Variants in IRGQ observed in about 807,000 individuals in gnomAD.
IRGQ encodes immunity related GTPase Q, also known as immunity-related GTPase family Q protein.
A neutral mutation model predicts 10.5 loss-of-function variants in IRGQ; 5 were observed. That is an observed-to-expected ratio of 0.48 (90% CI 0.25 to 1.00). The LOEUF (loss-of-function observed/expected upper bound fraction) is 1.00. IRGQ is among the 50% of genes least tolerant of loss of function. The pLI is 0.16. For synonymous variants in IRGQ, 418 were observed against 426.0 expected (o/e 0.98, Z 0.23); for missense variants, 792 against 877.7 (o/e 0.90, Z 1.23).
At position 43,589,038 on chromosome 19, in the gene IRGQ, A is replaced by G. The variant is rs746974112; in HGVS notation, c.*2988T>C. ...ACCATCCCTTGTCTGCCCTTGGATCAGTTACCTTTGTCTTCAGCTTTTAAG... is the reference window on the plus strand; with the variant it reads ...ACCATCCCTTGTCTGCCCTTGGATCGGTTACCTTTGTCTTCAGCTTTTAAG... On this transcript the variant is annotated 3_prime_UTR_variant, in exon 3 of 3. Transcript: ENST00000422989. 8.5e-5 allele frequency: 13 copies of G among 152,220 alleles called. No homozygotes were observed. The highest frequency in any genetic ancestry group is 1.3e-4 in the Non-Finnish European group (9 of 68,038). The allele number at this position is 152,220 out of a possible 1,614,324, so 9.4% of individuals were successfully genotyped here.
intron 2 of IRGQ, among the ~76,000 whole-genome samples, chr19:43,594,196 G>A (rs1198336459): frequency 6.6e-6 from 1 of 152,228 alleles, no homozygotes; most frequent in African/African-American, 2.4e-5. Flanking sequence ...GGGCTGGGCA[G>A]AGAGTCTCAC....
chr19:43,591,908 G>T lies in IRGQ; in HGVS notation c.*118C>A. ...TGTCCCCCAGACTCTCTGAATCCAG[G>T]TGATAAGAAGTCACACATCCCAGCT... is the stretch of plus-strand genomic sequence containing the variant. On this transcript the variant is annotated 3_prime_UTR_variant, in exon 3 of 3. Transcript: ENST00000422989. 1.1e-6 allele frequency: 1 copy of T among 950,072 alleles called. No individual in the cohort carries two copies. The highest frequency in any genetic ancestry group is 1.6e-6 in the Non-Finnish European group (1 of 644,356). The allele number at this position is 950,072 out of a possible 1,614,324, so 58.9% of individuals were successfully genotyped here.
rs553692409 is a variant in IRGQ, at chr19:43,588,506, G to A, written c.*3520C>T. The A allele has an allele frequency of 2.0e-4, 30 of 152,300 alleles. No individual in the cohort carries two copies. The highest frequency in any genetic ancestry group is 7.0e-4 in the African/African-American group (29 of 41,554). The allele number at this position is 152,300 out of a possible 1,614,324, so 9.4% of individuals were successfully genotyped here. On this transcript the variant is annotated 3_prime_UTR_variant, in exon 3 of 3. Coordinates refer to ENST00000422989, the MANE Select transcript of IRGQ (RefSeq NM_001007561.3). The stretch of plus-strand genomic sequence containing the variant: ...GGGAGGCCAAGGCGGGTGGCCTGAG[G>A]TCAGTAGTTCCAGACCAGCCTGATC...
At position 43,591,864 on chromosome 19, in the gene IRGQ, A is replaced by AAC. The variant is rs1390378602; in HGVS notation, c.*161_*162insGT. ...CGTCTCACAAAAAAAAGAAAAAAAA[A>AAC]AAAAAAAATCAGGATTCCTGTCCCC... On this transcript the variant is annotated 3_prime_UTR_variant, in exon 3 of 3. Transcript: ENST00000422989. 4.3e-6 allele frequency: 3 copies of AAC among 701,866 alleles called. No homozygotes were observed. The highest frequency in any genetic ancestry group is 6.5e-6 in the Non-Finnish European group (3 of 460,474). 43.5% of individuals were successfully genotyped at this position (701,866 alleles called of 1,614,324 possible).
At position 43,595,229 on chromosome 19, in the gene IRGQ, G is replaced by C; in HGVS notation, c.110C>G (p.Ala37Gly). ...LCDKDVETLE[A>G]PEGRPDSGVP... The stretch of plus-strand genomic sequence containing the variant: ...CCCGGAGTCCGGCCGTCCCTCGGGG[G>C]CCTCGAGCGTCTCCACATCCTTGTC... The change falls in exon 2 of 3, where the codon GCC becomes GGC. Residue 37 changes from alanine (A) to glycine (G), a missense_variant. Physicochemically the swap from Ala to Gly is moderately conservative, Grantham distance 60 (BLOSUM62 0). Coordinates refer to ENST00000422989, the MANE Select transcript of IRGQ (RefSeq NM_001007561.3). 1 of 1,612,580 alleles carries C rather than the reference G, an allele frequency of 6.2e-7. No individual in the cohort carries two copies. Among genetic ancestry groups the C allele is most frequent in the Non-Finnish European group, 8.5e-7 (1 of 1,179,782 alleles).
Position 43,595,331 on chromosome 19 carries a change from G to A in IRGQ, c.8C>T (p.Pro3Leu), listed in dbSNP as rs1030870180. 3 of 1,549,808 alleles carry A rather than the reference G, an allele frequency of 1.9e-6. No individual in the cohort carries two copies. Among genetic ancestry groups the A allele is most frequent in the East Asian group, 2.3e-5 (1 of 44,170 alleles). Residue 3 changes from proline (P) to leucine (L), a missense_variant, in exon 2 of 3, where the codon CCG (proline) becomes CTG (leucine). Physicochemically the swap from Pro to Leu is moderately conservative, Grantham distance 98. Transcript: ENST00000422989. ...CAAGGCGGTCACGTCACCCTGCGGC[G>A]GAGGCATGGCTGGAAAGCAACGGGT... MP[P>L]PQGDVTALFL...
In IRGQ at chr19:43,592,069, G is replaced by A; in HGVS notation, c.1829C>T (p.Ala610Val). The change falls in exon 3 of 3, where the codon GCT becomes GTT. Residue 610 changes from alanine (A) to valine (V), a missense_variant. Ala to Val is a moderately conservative substitution (Grantham distance 64). Transcript: ENST00000422989. The stretch of plus-strand genomic sequence containing the variant: ...GGGTGCCAGCACAGCCTCAGCATCA[G>A]CCCGCATCTCATCGAGAGCCTGCAG... ...VLLQALDEMR[A>V]DAEAVLAPPE... The A allele has an allele frequency of 6.2e-7, 1 of 1,612,238 alleles. No homozygotes were observed. The highest frequency in any genetic ancestry group is 8.5e-7 in the Non-Finnish European group (1 of 1,179,520).
chr19:43,595,303 G>A lies in IRGQ; in HGVS notation c.36C>T (p.Phe12=), dbSNP rs201442474. ...ACTTCCCCAAGCCCGGAGGCCCCAG[G>A]AACAAGGCGGTCACGTCACCCTGCG... is the stretch of plus-strand genomic sequence containing the variant. ...PPPQGDVTAL[F]LGPPGLGKSA... The change falls in exon 2 of 3, where the codon TTC becomes TTT. Residue 12 remains phenylalanine (F), a synonymous_variant. Transcript: ENST00000422989. The A allele has an allele frequency of 7.0e-6, 11 of 1,579,774 alleles. No homozygotes were observed. Among genetic ancestry groups the A allele is most frequent in the Non-Finnish European group, 9.5e-6 (11 of 1,162,898 alleles).
Position 43,595,071 on chromosome 19 carries a change from C to T in IRGQ, c.268G>A (p.Glu90Lys). 1.2e-6 allele frequency: 2 copies of T among 1,612,594 alleles called. No individual in the cohort carries two copies. Among genetic ancestry groups the T allele is most frequent in the Non-Finnish European group, 1.7e-6 (2 of 1,179,456 alleles). The change falls in exon 2 of 3, where the codon GAA becomes AAA. Residue 90 changes from glutamate to lysine, a missense_variant. Transcript: ENST00000422989. The part of the protein sequence containing the change: ...LVLPGPEGNG[E>K]PLAPALGEAA... ...TCTCCCAGGGCTGGAGCCAACGGTT[C>T]CCCGTTCCCCTCGGGTCCGGGCAGC...
chr19:43,595,472 G>T, intron 1 of IRGQ, 132 bp from the exon 2 acceptor site: 1 of 780,614 alleles, frequency 1.3e-6, no homozygotes, highest in Admixed American at 3.5e-5. Context: ...CACTCTCCAG[G>T]ACCTAAAAAA....
In IRGQ at chr19:43,593,374, G is replaced by T; in HGVS notation, c.531-7C>A. 1 of 1,505,664 alleles carries T rather than the reference G, an allele frequency of 6.6e-7. No individual in the cohort carries two copies. The highest frequency in any genetic ancestry group is 1.4e-5 in the South Asian group (1 of 73,808). The allele number at this position is 1,505,664 out of a possible 1,614,324, so 93.3% of individuals were successfully genotyped here. On this transcript the variant is annotated splice_region_variant and splice_polypyrimidine_tract_variant and intron_variant, in intron 2 of 2. Coordinates refer to ENST00000422989, the MANE Select transcript of IRGQ (RefSeq NM_001007561.3). The surrounding 1 kb of genome is among the most constrained non-coding windows in gnomAD (Gnocchi z 6.4). ...CTGCGCCGGTGGCAGGAGCCTGTGG[G>T]GACAAGAAGGGACAGGGTCAAAGGT...
Position 43,592,374 on chromosome 19 carries a change from A to T in IRGQ, c.1524T>A (p.Leu508=), listed in dbSNP as rs780949327. The T allele has an allele frequency of 6.3e-7, 1 of 1,578,402 alleles. No homozygotes were observed. Among genetic ancestry groups the T allele is most frequent in the South Asian group, 1.1e-5 (1 of 88,508 alleles). ...PGLGWACDVA[L]LRGQLAEWRR... Reference sequence around the variant, plus strand: ...GCCACTCCGCCAGCTGACCCCGCAGAAGTGCCACGTCGCATGCCCAGCCCA... The same window carrying T: ...GCCACTCCGCCAGCTGACCCCGCAGTAGTGCCACGTCGCATGCCCAGCCCA... The change falls in exon 3 of 3, where the codon CTT becomes CTA. Residue 508 remains leucine (L), a synonymous_variant. Coordinates refer to ENST00000422989, the MANE Select transcript of IRGQ (RefSeq NM_001007561.3).
In IRGQ at chr19:43,592,704, G is replaced by C; in HGVS notation, c.1194C>G (p.Val398=). ...KAGSEGLQQV[V]GMKKSGGGDS... ...CGCCACCACCTGATTTCTTCATGCCGACAACCTGCTGCAAACCCTCGCTGC... is the reference window on the plus strand; with the variant it reads ...CGCCACCACCTGATTTCTTCATGCCCACAACCTGCTGCAAACCCTCGCTGC... Residue 398 remains valine, a synonymous_variant, in exon 3 of 3, where the codon GTC becomes GTG. Coordinates refer to ENST00000422989, the MANE Select transcript of IRGQ (RefSeq NM_001007561.3). The C allele has an allele frequency of 4.3e-6, 7 of 1,609,336 alleles. No individual in the cohort carries two copies. Among genetic ancestry groups the C allele is most frequent in the Non-Finnish European group, 5.9e-6 (7 of 1,179,984 alleles).
At position 43,592,980 on chromosome 19, in the gene IRGQ, C is replaced by T. The variant is rs1193167825; in HGVS notation, c.918G>A (p.Gly306=). The change falls in exon 3 of 3, where the codon GGG becomes GGA. Residue 306 remains glycine (G), a synonymous_variant. Transcript: ENST00000422989. ...HYDALILVTP[G]APTEKDWAQV... ...GGGCCCAGTCCTTCTCAGTGGGGGCCCCAGGGGTGACGAGGATGAGGGCGT... is the reference window on the plus strand; with the variant it reads ...GGGCCCAGTCCTTCTCAGTGGGGGCTCCAGGGGTGACGAGGATGAGGGCGT... 1 of 1,608,884 alleles carries T rather than the reference C, an allele frequency of 6.2e-7. No individual in the cohort carries two copies. The highest frequency in any genetic ancestry group is 1.3e-5 in the African/African-American group (1 of 74,906).
At chr19:43,594,685 AT>A (rs2146100055) in intron 2 of IRGQ, 123 bp downstream of exon 2, 33 of 644,402 alleles carry the variant, frequency 5.1e-5, no homozygotes, top group East Asian at 9.4e-5. Flanking sequence ...AAAAAAAAAA[AT>A]AATAATAATA....
chr19:43,594,683 A>AAAT (rs796191282), intron 2 of IRGQ, 126 bp downstream of exon 2: 4 of 639,782 alleles, frequency 6.3e-6, no homozygotes, highest in East Asian at 6.5e-5. Flanking sequence ...AAAAAAAAAA[A>AAAT]AATAATAATA....
In IRGQ at chr19:43,586,084, G is replaced by C. The variant is rs1433927198; in HGVS notation, c.*5942C>G. The C allele has an allele frequency of 6.6e-6, 1 of 152,170 alleles. No individual in the cohort carries two copies. Among genetic ancestry groups the C allele is most frequent in the East Asian group, 1.9e-4 (1 of 5,188 alleles). 9.4% of individuals were successfully genotyped at this position (152,170 alleles called of 1,614,324 possible). ...GGATGGAACTCTGCTGTGGTGAGGAGGTTGTCTCGCCCACTCACCCAAGTT... is the reference window on the plus strand; with the variant it reads ...GGATGGAACTCTGCTGTGGTGAGGACGTTGTCTCGCCCACTCACCCAAGTT... On this transcript the variant is annotated 3_prime_UTR_variant, in exon 3 of 3. Coordinates refer to ENST00000422989, the MANE Select transcript of IRGQ (RefSeq NM_001007561.3).
rs867076466 is a variant in IRGQ, at chr19:43,596,015, G to C, written c.-36C>G. The C allele has an allele frequency of 1.3e-5, 2 of 152,282 alleles. No homozygotes were observed. Among genetic ancestry groups the C allele is most frequent in the Non-Finnish European group, 2.9e-5 (2 of 68,090 alleles). 9.4% of individuals were successfully genotyped at this position (152,282 alleles called of 1,614,324 possible). ...AAGCCGACCCACGGGAGAGAGCGCAGTCGGTGGCAGTAGGTCAGCAGCTGA... is the reference window on the plus strand; with the variant it reads ...AAGCCGACCCACGGGAGAGAGCGCACTCGGTGGCAGTAGGTCAGCAGCTGA... On this transcript the variant is annotated 5_prime_UTR_variant, in exon 1 of 3. Coordinates refer to ENST00000422989, the MANE Select transcript of IRGQ (RefSeq NM_001007561.3).
At position 43,596,003 on chromosome 19, in the gene IRGQ, G is replaced by GGA. The variant is rs1163302986; in HGVS notation, c.-26_-25dup. On this transcript the variant is annotated 5_prime_UTR_variant, in exon 1 of 3. Coordinates refer to ENST00000422989, the MANE Select transcript of IRGQ (RefSeq NM_001007561.3). ...CAACCGAGCAAAAAGCCGACCCACG[G>GGA]GAGAGAGCGCAGTCGGTGGCAGTAG... 3.9e-5 allele frequency: 6 copies of GGA among 152,288 alleles called. No homozygotes were observed. The highest frequency in any genetic ancestry group is 1.4e-4 in the African/African-American group (6 of 41,472). The allele number at this position is 152,288 out of a possible 1,614,324, so 9.4% of individuals were successfully genotyped here.
Sources: gnomAD v4.1 joint callset for allele counts (sites outside exome capture counted in the v4.1 genomes callset) on GRCh38, gnomAD v4.1.1 for gene constraint, Gnocchi (gnomAD v3.1) non-coding constraint, MANE v1.5 for transcripts, NCBI Gene and HGNC (gene_info 2026-07-23, HGNC 2026-07-21) for gene names.